SOX6: variants seen among roughly 807,000 people sequenced by gnomAD.
SOX6 encodes the protein SRY-box transcription factor 6.
Under a neutral mutation model 97.8 loss-of-function variants are expected in SOX6, and 11 were observed. The ratio of observed to expected loss-of-function variants is 0.11; its 90% CI spans 0.07 to 0.19. The LOEUF is 0.19. Among genes scored for constraint, SOX6 ranks in the 10% least tolerant of loss-of-function variants. The pLI is 1.00. For synonymous variants in SOX6, 360 were observed against 371.4 expected (o/e 0.97, Z 0.35); for missense variants, 810 against 1,039.5 (o/e 0.78, Z 3.04).
At chr11:16,499,037 A>C (rs1454521613) in intron 4 of SOX6, among the ~76,000 whole-genome samples, 1 of 152,216 alleles carries the variant, frequency 6.6e-6, no homozygotes, top group African/African-American at 2.4e-5. Context: ...ACCTATTCCA[A>C]AATTGACCAC....
At chr11:16,520,781 T>C (rs1194438271) in intron 4 of SOX6, among the ~76,000 whole-genome samples, 1 of 152,180 alleles carries the variant, frequency 6.6e-6, no homozygotes, top group Non-Finnish European at 1.5e-5. Flanking sequence ...ACCCTAATAC[T>C]GTGCTTTTCC....
chr11:16,081,855 T>C (rs1848478818), intron 9 of SOX6, among the ~76,000 whole-genome samples: 1 of 152,206 alleles, frequency 6.6e-6, no homozygotes, highest in African/African-American at 2.4e-5. Flanking sequence ...ACATATCTCA[T>C]GATGTAAACA....
intron 1 of SOX6, among the ~76,000 whole-genome samples, chr11:16,376,982 C>T (rs916381591): frequency 6.6e-6 from 1 of 151,274 alleles, no homozygotes; most frequent in African/African-American, 2.4e-5. Flanking sequence ...AGTGCTATCT[C>T]AAGAAATGAA....
At chr11:16,206,148 A>G (rs1221565891) in intron 4 of SOX6, among the ~76,000 whole-genome samples, 1 of 152,122 alleles carries the variant, frequency 6.6e-6, no homozygotes, top group African/African-American at 2.4e-5. Context: ...GTTAATGTAC[A>G]ACTAGCATTA....
At position 16,431,087 on chromosome 11, in the gene SOX6, A is replaced by G. The variant is rs371000076; in HGVS notation, c.-5+45228T>C. Among the ~76,000 whole-genome samples, 31 of 152,184 alleles carry G rather than the reference A, an allele frequency of 2.0e-4. No individual in the cohort carries two copies. In the East Asian group the frequency reaches 5.6e-3, roughly 27 times the overall value. On this transcript the variant is annotated intron_variant, in intron 1 of 15. Coordinates refer to the SOX6 transcript ENST00000396356. ...TCTTTCTAGAATGGTCTTCCACCAG[A>G]TATCTGCTTGGTTTGCTTCTCCACT...
chr11:16,296,116 A>G (rs1040746345), intron 3 of SOX6, among the ~76,000 whole-genome samples: 6 of 152,152 alleles, frequency 3.9e-5, no homozygotes, highest in African/African-American at 1.4e-4. Flanking sequence ...TAACATTTTT[A>G]TAACTCTTTA....
intron 1 of SOX6, among the ~76,000 whole-genome samples, chr11:16,374,217 A>C (rs1857582702): frequency 6.6e-6 from 1 of 152,080 alleles, no homozygotes; most frequent in Admixed American, 6.6e-5. Context: ...CTTATAAAAC[A>C]CTAAAACCCC....
At chr11:16,415,572 C>T (rs1277763953) in intron 1 of SOX6, among the ~76,000 whole-genome samples, 1 of 151,830 alleles carries the variant, frequency 6.6e-6, no homozygotes, top group Non-Finnish European at 1.5e-5. Context: ...TGAATGTTCT[C>T]AAAACAAAAA....
At chr11:16,526,377 G>T (rs575630694) in intron 4 of SOX6, among the ~76,000 whole-genome samples, 1 of 151,586 alleles carries the variant, frequency 6.6e-6, no homozygotes, top group Non-Finnish European at 1.5e-5. Context: ...GTAAACTATC[G>T]CAAGGACAAA....
rs906615954 is a variant in SOX6, at chr11:16,364,748, G to C, written c.-4-23496C>G. Among the ~76,000 whole-genome samples the C allele has an allele frequency of 4.6e-5, 7 of 152,104 alleles. No homozygotes were observed. In the South Asian group the frequency reaches 8.3e-4, roughly 18 times the overall value. On this transcript the variant is annotated intron_variant, in intron 1 of 15. Coordinates refer to the SOX6 transcript ENST00000396356. ...CTCAGAATGACTATGTATTTCAGAG[G>C]CCAGGAAGCTATCTTGTAAATCCAG...
At chr11:16,258,961 T>C (rs1488631885) in intron 3 of SOX6, among the ~76,000 whole-genome samples, 1 of 146,096 alleles carries the variant, frequency 6.8e-6, no homozygotes, top group Non-Finnish European at 1.5e-5. Context: ...TGCACTCTAT[T>C]TTTTGTGAAC....
chr11:16,703,959 C>T, intron 3 of SOX6, among the ~76,000 whole-genome samples: 1 of 152,162 alleles, frequency 6.6e-6, no homozygotes, highest in East Asian at 1.9e-4. Context: ...TTTTTAACAG[C>T]TCTTTTGTCA....
intron 3 of SOX6, among the ~76,000 whole-genome samples, chr11:16,628,156 T>A (rs1848649927): frequency 6.6e-6 from 1 of 152,202 alleles, no homozygotes; most frequent in African/African-American, 2.4e-5. Context: ...GGTCTATGAA[T>A]CTGTTTTTAT....
rs146744339 is a variant in SOX6 at position 16,536,920 on chromosome 11, T to A, written n.610-60532A>T. Among the ~76,000 whole-genome samples, 297 of 152,286 alleles carry A rather than the reference T, an allele frequency of 2.0e-3. 2 individuals carry two copies. Among genetic ancestry groups the A allele is most frequent in the Non-Finnish European group, 1.9e-4 (13 of 68,024 alleles). On this transcript the variant is annotated intron_variant and non_coding_transcript_variant, in intron 4 of 5. Coordinates refer to the SOX6 transcript ENST00000524520. ...CAGACAACTTCTGAAGACTTAAACA[T>A]CCCTGTCTGAGAGCTCTGAAGAGAG... is the stretch of plus-strand genomic sequence containing the variant.
Position 16,405,628 on chromosome 11 carries a change from G to A in SOX6, c.-4-64376C>T, listed in dbSNP as rs188724834. On this transcript the variant is annotated intron_variant, in intron 1 of 15. Transcript: ENST00000396356. The stretch of plus-strand genomic sequence containing the variant: ...CTATATACAGTCTGAAGTTAGAAAA[G>A]GCAACAGTCATTTGACTGCAAAGCA... Among the ~76,000 whole-genome samples the A allele has an allele frequency of 1.9e-3, 296 of 152,116 alleles. 1 individual carries two copies. The highest frequency in any genetic ancestry group is 3.8e-3 in the Admixed American group (58 of 15,260).
chr11:16,633,532 G>C (rs1848743100), intron 3 of SOX6, among the ~76,000 whole-genome samples: 1 of 152,196 alleles, frequency 6.6e-6, no homozygotes, highest in East Asian at 1.9e-4. Flanking sequence ...GTTGAAACTT[G>C]AAAGAAGCTG....
intron 1 of SOX6, among the ~76,000 whole-genome samples, chr11:16,431,933 T>G (rs1408631779): frequency 6.6e-6 from 1 of 152,064 alleles, no homozygotes; most frequent in Non-Finnish European, 1.5e-5. Flanking sequence ...CCATAGTAAA[T>G]AAGATGTGAG....
At chr11:16,471,917 T>C (rs1489135685) in intron 1 of SOX6, among the ~76,000 whole-genome samples, 1 of 152,212 alleles carries the variant, frequency 6.6e-6, no homozygotes, top group African/African-American at 2.4e-5. Flanking sequence ...TAGCATGACA[T>C]GTGCCTAAGT....
intron 15 of SOX6, among the ~76,000 whole-genome samples, chr11:15,976,643 C>A (rs1242263013): frequency 6.6e-6 from 1 of 152,090 alleles, no homozygotes; most frequent in Non-Finnish European, 1.5e-5. Flanking sequence ...GGTTCACAAG[C>A]CTGGCCAGGA....
Sources: gnomAD v4.1 joint callset for allele counts (sites outside exome capture counted in the v4.1 genomes callset) on GRCh38, gnomAD v4.1.1 for gene constraint, MANE v1.5 for transcripts, NCBI Gene and HGNC (gene_info 2026-07-23, HGNC 2026-07-21) for gene names.